The following HDAC9 variants were observed in gnomAD, a reference collection of about 807,000 sequenced individuals.
The protein encoded by HDAC9 is histone deacetylase 9.
A neutral mutation model predicts 139.4 loss-of-function variants in HDAC9; 41 were observed. The ratio of observed to expected loss-of-function variants is 0.29; its 90% CI spans 0.23 to 0.38. The LOEUF is 0.38. HDAC9 is among the 10% of genes least tolerant of loss of function. HDAC9 has a pLI of 1.00. For synonymous variants in HDAC9, 517 were observed against 476.2 expected, an observed-to-expected ratio of 1.09 and a Z score of -1.12; for missense variants, 1,147 against 1,297.0, an observed-to-expected ratio of 0.88 and a Z score of 1.78.
intron 1 of HDAC9, among the ~76,000 whole-genome samples, chr7:18,413,252 A>T (rs993007269): frequency 2.0e-5 from 3 of 152,194 alleles, no homozygotes; most frequent in Admixed American, 6.5e-5. Context: ...GGAAGCCCAG[A>T]CGTCTCAGTT....
chr7:18,671,291 A>C (rs1795663162), intron 12 of HDAC9, among the ~76,000 whole-genome samples: 1 of 151,986 alleles, frequency 6.6e-6, no homozygotes, highest in Non-Finnish European at 1.5e-5. Context: ...GATGCATAAC[A>C]ATCCTCTCGA....
chr7:18,941,155 T>C lies in HDAC9; in HGVS notation c.2937+5213T>C, dbSNP rs1781998781. 4.4e-5 allele frequency among the ~76,000 whole-genome samples: 5 copies of C among 112,844 alleles called. No individual in the cohort carries two copies. In the South Asian group the frequency reaches 1.6e-3, roughly 37 times the overall value. 74.0% of individuals were successfully genotyped at this position (112,844 alleles called of 152,430 possible). ...TTGGATTCTGATTTCTTTTTTTGTC[T>C]CTTCTTTTTTTTTTCTTTTCTTTCC... On this transcript the variant is annotated intron_variant, in intron 23 of 25. Coordinates refer to ENST00000686413, the MANE Select transcript of HDAC9 (RefSeq NM_178425.4).
At chr7:18,520,908 A>G (rs1804819607) in intron 2 of HDAC9, among the ~76,000 whole-genome samples, 2 of 152,210 alleles carry the variant, frequency 1.3e-5, no homozygotes, top group Non-Finnish European at 2.9e-5. Flanking sequence ...ACCTGAAGAA[A>G]TTATAGTTCT....
At position 18,997,577 on chromosome 7, in the gene HDAC9, A is replaced by G. The variant is rs774799302; in HGVS notation, c.*1515A>G. The stretch of plus-strand genomic sequence containing the variant: ...CTAACTCAAAGGATATATTAAAGCC[A>G]TAAGTGAAGATTGTCATGCTTTTAT... On this transcript the variant is annotated 3_prime_UTR_variant, in exon 26 of 26. Transcript: ENST00000686413. 2.1e-4 allele frequency: 32 copies of G among 152,140 alleles called. No homozygotes were observed. Among genetic ancestry groups the G allele is most frequent in the African/African-American group, 2.9e-4 (12 of 41,448 alleles). The allele number at this position is 152,140 out of a possible 1,614,324, so 9.4% of individuals were successfully genotyped here. A position where few individuals can be genotyped will look rare whatever the true frequency, so the allele number is the denominator to read the frequency against.
chr7:18,374,597 C>T (rs963579517), intron 1 of HDAC9, among the ~76,000 whole-genome samples: 4 of 151,916 alleles, frequency 2.6e-5, no homozygotes, highest in Non-Finnish European at 5.9e-5. Context: ...ATGGCTACAA[C>T]ATCACTAGGT....
intron 14 of HDAC9, 24 bp from the exon 15 acceptor site, chr7:18,762,133 T>C (rs1475574781): frequency 5.0e-6 from 8 of 1,612,922 alleles, no homozygotes; most frequent in South Asian, 3.3e-5. Context: ...TGGTGTACTG[T>C]TGGCTTCTGC....
chr7:18,645,769 C>A (rs939560290), intron 9 of HDAC9, among the ~76,000 whole-genome samples: 2 of 152,110 alleles, frequency 1.3e-5, no homozygotes, highest in Non-Finnish European at 2.9e-5. Flanking sequence ...CTCTCATCAC[C>A]AGTTTGGCCA....
At chr7:18,177,641 G>A (rs1313526004) in intron 2 of HDAC9, among the ~76,000 whole-genome samples, 2 of 152,140 alleles carry the variant, frequency 1.3e-5, no homozygotes, top group East Asian at 3.9e-4. Context: ...GCTGACATTT[G>A]TTACCTCTCT....
At chr7:18,560,322 G>A (rs1820191982) in intron 2 of HDAC9, among the ~76,000 whole-genome samples, 1 of 152,126 alleles carries the variant, frequency 6.6e-6, no homozygotes, top group South Asian at 2.1e-4. Context: ...GAGAAAAATG[G>A]ATTTAAAGGA....
chr7:18,179,830 A>G (rs73317832), intron 2 of HDAC9, among the ~76,000 whole-genome samples: 3,579 of 152,278 alleles, frequency 0.024, 143 homozygotes, highest in African/African-American at 0.08. Flanking sequence ...TTGGTATCAT[A>G]AAAGATGTAA....
Position 18,518,188 on chromosome 7 carries a change from C to T in HDAC9, c.22+21864C>T, listed in dbSNP as rs74619652. On this transcript the variant is annotated intron_variant, in intron 2 of 25. Transcript: ENST00000686413. ...CTCTCTCCCACAGTGATTGATTTAC[C>T]GGTATTTATCTTCTCCAACTAGACT... 6.2e-3 allele frequency: 949 copies of T among 152,120 alleles called. 10 individuals carry two copies. The highest frequency in any genetic ancestry group is 0.022 in the African/African-American group (916 of 41,490). 9.4% of individuals were successfully genotyped at this position (152,120 alleles called of 1,614,324 possible).
At chr7:18,688,450 A>C (rs1007900865) in intron 12 of HDAC9, among the ~76,000 whole-genome samples, 1 of 151,906 alleles carries the variant, frequency 6.6e-6, no homozygotes, top group Non-Finnish European at 1.5e-5. Flanking sequence ...ACATTTTCCA[A>C]CCAATTATTT....
At chr7:18,208,109 G>T (rs894962461) in intron 2 of HDAC9, among the ~76,000 whole-genome samples, 13 of 152,264 alleles carry the variant, frequency 8.5e-5, no homozygotes, top group African/African-American at 3.1e-4. Context: ...TTTCTCATAC[G>T]TATGCTTAGT....
chr7:18,567,189 T>C (rs1281703276), intron 2 of HDAC9, among the ~76,000 whole-genome samples: 1 of 152,148 alleles, frequency 6.6e-6, no homozygotes, highest in African/African-American at 2.4e-5. Flanking sequence ...GTGAACCGCC[T>C]ACGTAAATCT....
intron 1 of HDAC9, among the ~76,000 whole-genome samples, chr7:18,479,136 T>A (rs1691195019): frequency 6.6e-6 from 1 of 152,146 alleles, no homozygotes; most frequent in South Asian, 2.1e-4. Context: ...TTTATCAATC[T>A]TTTTCTTTAT....
intron 1 of HDAC9, among the ~76,000 whole-genome samples, chr7:18,482,281 T>C (rs781740555): frequency 4.7e-5 from 7 of 149,834 alleles, no homozygotes; most frequent in Non-Finnish European, 8.9e-5. Flanking sequence ...TAGTGGTGTG[T>C]ACCTGCAATT....
At chr7:18,224,549 G>T (rs971298329) in intron 2 of HDAC9, among the ~76,000 whole-genome samples, 2 of 152,078 alleles carry the variant, frequency 1.3e-5, no homozygotes, top group Admixed American at 6.6e-5. Context: ...ACCCAGCGTG[G>T]GTGCTTGTGT....
At chr7:18,119,290 T>C (rs1422860274) in intron 1 of HDAC9, among the ~76,000 whole-genome samples, 1 of 152,200 alleles carries the variant, frequency 6.6e-6, no homozygotes, top group Non-Finnish European at 1.5e-5. Flanking sequence ...TAATACTAAA[T>C]AGTCTTAGAA....
chr7:18,494,162 G>C (rs1796581219), upstream of HDAC9, among the ~76,000 whole-genome samples: 1 of 151,968 alleles, frequency 6.6e-6, no homozygotes, highest in African/African-American at 2.4e-5. Flanking sequence ...TAAGTCAAAC[G>C]CAGTTTGGAA....
Sources: gnomAD v4.1 joint callset for allele counts (sites outside exome capture counted in the v4.1 genomes callset) on GRCh38, gnomAD v4.1.1 for gene constraint, MANE v1.5 for transcripts, NCBI Gene and HGNC (gene_info 2026-07-23, HGNC 2026-07-21) for gene names.